The following RBL2 variants were observed in gnomAD, a reference collection of about 807,000 sequenced individuals.
RBL2 encodes RB transcriptional corepressor like 2, also known as retinoblastoma-like protein 2.
In RBL2, 56 loss-of-function variants were observed where a neutral mutation model predicts 126.0. The ratio of observed to expected loss-of-function variants is 0.44; its 90% CI spans 0.36 to 0.56. The LOEUF (loss-of-function observed/expected upper bound fraction) is 0.56, where lower values mean the gene tolerates loss of function less well. Among genes scored for constraint, RBL2 ranks in the 20% least tolerant of loss-of-function variants. The pLI is 0.00. For missense variants in RBL2, 1,229 were observed against 1,398.2 expected, an observed-to-expected ratio of 0.88 and a Z score of 1.93; for synonymous variants, 454 against 478.5, an observed-to-expected ratio of 0.95 and a Z score of 0.67.
chr16:53,455,022 TTTCA>T (rs979285959), intron 8 of RBL2, among the ~76,000 whole-genome samples, 180 bp downstream of exon 8: 4 of 151,880 alleles, frequency 2.6e-5, no homozygotes, highest in Middle Eastern at 3.4e-3. Context: ...TAATATCAAC[TTTCA>T]TTCATTTTAG....
At chr16:53,446,847 G>T (rs1453091162) in intron 3 of RBL2, among the ~76,000 whole-genome samples, 195 bp from the exon 4 acceptor site, 1 of 152,112 alleles carries the variant, frequency 6.6e-6, no homozygotes, top group Non-Finnish European at 1.5e-5. Context: ...TTTGAGATGG[G>T]CTCTTTCCCT....
intron 19 of RBL2, chr16:53,480,358 C>G (rs1212179627): frequency 1.7e-6 from 1 of 572,612 alleles, no homozygotes. Flanking sequence ...TTAATGGACA[C>G]TACTCAGAAA....
At chr16:53,457,345 T>C (rs893667980) in intron 8 of RBL2, among the ~76,000 whole-genome samples, 9 of 147,394 alleles carry the variant, frequency 6.1e-5, no homozygotes, top group African/African-American at 2.3e-4. Flanking sequence ...CTGTGACCTC[T>C]GCCACCTGGG....
intron 8 of RBL2, 92 bp from the exon 9 acceptor site, chr16:53,459,359 C>A (rs2058197390): frequency 9.9e-7 from 1 of 1,008,840 alleles, no homozygotes; most frequent in Non-Finnish European, 1.5e-6. Context: ...GGCTTGAAGT[C>A]CCATTTGTGA....
chr16:53,489,449 G>A (rs777801907), intron 21 of RBL2: 10 of 152,240 alleles, frequency 6.6e-5, no homozygotes, highest in Non-Finnish European at 1.2e-4. Flanking sequence ...TGTGACAGAC[G>A]ACTTTTAGAG....
chr16:53,467,491 G>A (rs1188341822), intron 14 of RBL2, among the ~76,000 whole-genome samples: 2 of 152,124 alleles, frequency 1.3e-5, no homozygotes, highest in Non-Finnish European at 2.9e-5. Context: ...GGGTTCAAGC[G>A]ATTCTCATGC....
chr16:53,488,017 C>T (rs1961243206), intron 21 of RBL2: 1 of 152,194 alleles, frequency 6.6e-6, no homozygotes, highest in African/African-American at 2.4e-5. Context: ...GTTTCTTAAA[C>T]ATACCATTAT....
chr16:53,483,434 TA>T (rs1479843963), intron 21 of RBL2, among the ~76,000 whole-genome samples: 2 of 152,134 alleles, frequency 1.3e-5, no homozygotes, highest in Non-Finnish European at 2.9e-5. Context: ...CATGCACCTG[TA>T]GTTGTAGCTA....
intron 14 of RBL2, among the ~76,000 whole-genome samples, chr16:53,468,321 T>A (rs912405585): frequency 3.3e-5 from 5 of 152,174 alleles, no homozygotes; most frequent in African/African-American, 1.2e-4. Context: ...GGAGGATCAC[T>A]TGAGCCCCGG....
Position 53,465,743 on chromosome 16 carries a change from C to T in RBL2, c.1863+141C>T, listed in dbSNP as rs145081117. 1,571 of 604,072 alleles carry T rather than the reference C, an allele frequency of 2.6e-3. 19 individuals are homozygous for T. Among genetic ancestry groups the T allele is most frequent in the African/African-American group, 0.023 (1,201 of 51,842 alleles). The allele number at this position is 604,072 out of a possible 1,614,324, so 37.4% of individuals were successfully genotyped here. On this transcript the variant is annotated intron_variant, in intron 13 of 21. Transcript: ENST00000262133. ...TTATGAGAAAAATCTTGGACTGTAA[C>T]GTCCCTCTCTACCCACAAATTGGGA...
chr16:53,465,735 G>A, intron 13 of RBL2, 133 bp downstream of exon 13: 1 of 667,110 alleles, frequency 1.5e-6, no homozygotes, highest in Non-Finnish European at 2.2e-6. Context: ...AAAAATCTTG[G>A]ACTGTAACGT....
At chr16:53,451,852 T>A (rs1309061382) in intron 5 of RBL2, 21 bp downstream of exon 5, 22 of 1,611,758 alleles carry the variant, frequency 1.4e-5, no homozygotes, top group East Asian at 8.9e-5. Flanking sequence ...AAATCAAAGA[T>A]TTTTGGGCAA....
Position 53,469,946 on chromosome 16 carries a change from G to T in RBL2, c.2006G>T (p.Arg669Met), listed in dbSNP as rs2058305283. 6.2e-7 allele frequency: 1 copy of T among 1,600,726 alleles called. No individual in the cohort carries two copies. The highest frequency in any genetic ancestry group is 8.5e-7 in the Non-Finnish European group (1 of 1,171,538). Residue 669 changes from arginine to methionine, a missense_variant, in exon 15 of 22, where the codon AGG (arginine) becomes ATG (methionine). Coordinates refer to ENST00000262133, the MANE Select transcript of RBL2 (RefSeq NM_005611.4). Reference sequence around the variant, plus strand: ...ACATCTCCAACCACATTATACGATAGGTACAGCTCCCCACCAGCCAGCACT... The same window carrying T: ...ACATCTCCAACCACATTATACGATATGTACAGCTCCCCACCAGCCAGCACT... The part of the protein sequence containing the change: ...SITSPTTLYD[R>M]YSSPPASTTR...
intron 2 of RBL2, among the ~76,000 whole-genome samples, chr16:53,441,180 G>A (rs1209786032): frequency 2.0e-5 from 3 of 151,276 alleles, no homozygotes; most frequent in Admixed American, 2.0e-4. Flanking sequence ...GGCTAGTCTC[G>A]AACTCCTGAC....
chr16:53,439,254 T>C (rs1459309988), intron 2 of RBL2, 108 bp downstream of exon 2: 4 of 1,035,300 alleles, frequency 3.9e-6, no homozygotes, highest in Non-Finnish European at 5.2e-6. Flanking sequence ...TTTGTACCTG[T>C]GGACTGGTGA....
Position 53,459,613 on chromosome 16 carries a change from C to T in RBL2, c.1342C>T (p.Leu448Phe). ...ACCAAGTGAGAAACTGGAACAGATTCTCAGGTTAGTTTGAGCCCTGTCTGC... is the reference window on the plus strand; with the variant it reads ...ACCAAGTGAGAAACTGGAACAGATTTTCAGGTTAGTTTGAGCCCTGTCTGC... ...NAPSEKLEQI[L>F]RTCSRDPTQA... The change falls in exon 9 of 22, where the codon CTC becomes TTC. Residue 448 changes from leucine (L) to phenylalanine (F), a missense_variant. This residue lies in a region of RBL2 where 1,070 missense variants were observed against 1,274.3 expected (regional missense o/e 0.84). Coordinates refer to ENST00000262133, the MANE Select transcript of RBL2 (RefSeq NM_005611.4). 1 of 1,549,096 alleles carries T rather than the reference C, an allele frequency of 6.5e-7. No individual in the cohort carries two copies. The highest frequency in any genetic ancestry group is 8.7e-7 in the Non-Finnish European group (1 of 1,151,244).
intron 17 of RBL2, among the ~76,000 whole-genome samples, chr16:53,472,462 A>G (rs967287104): frequency 5.3e-5 from 8 of 152,176 alleles, no homozygotes; most frequent in Non-Finnish European, 1.0e-4. Flanking sequence ...GTATTGGGTG[A>G]TATATCATTG....
chr16:53,458,620 C>T (rs888805528), intron 8 of RBL2, among the ~76,000 whole-genome samples: 4 of 152,152 alleles, frequency 2.6e-5, no homozygotes, highest in Admixed American at 1.3e-4. Context: ...TTCATTTTAA[C>T]GCTGCTGATA....
chr16:53,448,128 T>G (rs975490708), intron 4 of RBL2, among the ~76,000 whole-genome samples: 2 of 151,538 alleles, frequency 1.3e-5, no homozygotes, highest in African/African-American at 4.9e-5. Flanking sequence ...AGAGAGACTC[T>G]CATTATTAGA....
Sources: allele counts gnomAD v4.1 joint callset (sites outside exome capture counted in the v4.1 genomes callset), GRCh38; gene constraint gnomAD v4.1.1; regional missense constraint gnomAD v4.1.1; transcripts MANE v1.5; gene names NCBI Gene and HGNC (gene_info 2026-07-23, HGNC 2026-07-21).